The following ANO4 variants were observed in gnomAD, a reference collection of about 807,000 sequenced individuals.
The protein encoded by ANO4 is anoctamin 4.
Under a neutral mutation model 141.9 loss-of-function variants are expected in ANO4, and 69 were observed. The ratio of observed to expected loss-of-function variants is 0.49; its 90% CI spans 0.40 to 0.59. The LOEUF (loss-of-function observed/expected upper bound fraction) is 0.59. Among genes scored for constraint, ANO4 ranks in the 20% least tolerant of loss-of-function variants. The pLI, the probability that ANO4 is intolerant of heterozygous loss-of-function variation, is 0.00. For missense variants in ANO4, 894 were observed against 1,162.2 expected (o/e 0.77, Z 3.36); for synonymous variants, 350 against 394.3 (o/e 0.89, Z 1.33).
intron 2 of ANO4, among the ~76,000 whole-genome samples, chr12:100,735,850 A>G (rs1288453256): frequency 6.6e-6 from 1 of 152,152 alleles, no homozygotes; most frequent in Non-Finnish European, 1.5e-5. Flanking sequence ...GGAAAATTAG[A>G]AATATGGAGA....
chr12:100,770,975 C>G (rs6538971), intron 3 of ANO4, among the ~76,000 whole-genome samples: 72,260 of 151,708 alleles, frequency 0.48, 17,766 homozygotes, highest in African/African-American at 0.57. Flanking sequence ...CATTGAGAAT[C>G]CGAATTTAAC....
At chr12:100,929,840 T>A (rs1421252706) in intron 3 of ANO4, among the ~76,000 whole-genome samples, 1 of 152,116 alleles carries the variant, frequency 6.6e-6, no homozygotes, top group Non-Finnish European at 1.5e-5. Flanking sequence ...CAACTTTATT[T>A]TACAATGAAA....
chr12:101,047,739 G>A (rs1405850018), intron 13 of ANO4, among the ~76,000 whole-genome samples: 1 of 152,104 alleles, frequency 6.6e-6, no homozygotes, highest in Non-Finnish European at 1.5e-5. Flanking sequence ...TATTATTCTA[G>A]CAATAAAGTA....
chr12:100,778,263 C>G (rs928154572), intron 3 of ANO4, among the ~76,000 whole-genome samples: 1 of 152,068 alleles, frequency 6.6e-6, no homozygotes, highest in Non-Finnish European at 1.5e-5. Flanking sequence ...TTTCTCTTTG[C>G]CATAGGAAGA....
chr12:100,785,282 A>T (rs1315947069), intron 3 of ANO4, among the ~76,000 whole-genome samples: 1 of 151,972 alleles, frequency 6.6e-6, no homozygotes, highest in East Asian at 1.9e-4. Flanking sequence ...CTTAGGGCTC[A>T]CTCTTGGTAT....
intron 14 of ANO4, among the ~76,000 whole-genome samples, chr12:101,054,376 T>C (rs1339174453): frequency 6.6e-6 from 1 of 152,220 alleles, no homozygotes; most frequent in Non-Finnish European, 1.5e-5. Context: ...GTGGGAAGAT[T>C]TTTTTCAACT....
intron 2 of ANO4, among the ~76,000 whole-genome samples, chr12:100,738,036 C>T (rs548977846): frequency 6.6e-6 from 1 of 152,296 alleles, no homozygotes; most frequent in Non-Finnish European, 1.5e-5. Flanking sequence ...CGATTAGCTC[C>T]TTATTTTCTA....
At chr12:101,087,112 C>T (rs887535429) in intron 17 of ANO4, among the ~76,000 whole-genome samples, 3 of 152,226 alleles carry the variant, frequency 2.0e-5, no homozygotes, top group Admixed American at 1.3e-4. Context: ...ATTGTGAACC[C>T]CTTAAGTAAA....
chr12:100,800,542 A>G (rs2135659920), intron 1 of ANO4, among the ~76,000 whole-genome samples: 1 of 152,374 alleles, frequency 6.6e-6, no homozygotes, highest in South Asian at 2.1e-4. Flanking sequence ...TCGTGGTGAC[A>G]TATATCTTCC....
chr12:100,927,376 C>G (rs1297688262), intron 3 of ANO4, among the ~76,000 whole-genome samples: 1 of 152,056 alleles, frequency 6.6e-6, no homozygotes, highest in East Asian at 1.9e-4. Context: ...AACCCTCCAT[C>G]CATAGTTTAA....
intron 8 of ANO4, among the ~76,000 whole-genome samples, chr12:100,989,804 T>A (rs1385292565): frequency 6.8e-6 from 1 of 146,506 alleles, no homozygotes; most frequent in Admixed American, 6.8e-5. Flanking sequence ...GATGGATAGA[T>A]GGATGGATAG....
chr12:100,894,370 T>C (rs2040238912), intron 1 of ANO4, among the ~76,000 whole-genome samples: 1 of 152,010 alleles, frequency 6.6e-6, no homozygotes, highest in Admixed American at 6.6e-5. Context: ...GGTCTCTGGG[T>C]TCGGTGGTTG....
chr12:100,725,252 T>A (rs1593230091), intron 1 of ANO4, among the ~76,000 whole-genome samples: 3 of 152,182 alleles, frequency 2.0e-5, no homozygotes, highest in Non-Finnish European at 4.4e-5. Flanking sequence ...GAGTGAGATG[T>A]TTGTTTGCTC....
intron 1 of ANO4, among the ~76,000 whole-genome samples, chr12:100,868,029 C>G (rs1051542637): frequency 1.3e-5 from 2 of 152,164 alleles, no homozygotes; most frequent in African/African-American, 4.8e-5. Flanking sequence ...GGACTCAGGC[C>G]AAGACTCTGT....
chr12:100,788,423 G>A (rs2033938522), intron 3 of ANO4, among the ~76,000 whole-genome samples: 1 of 152,184 alleles, frequency 6.6e-6, no homozygotes, highest in Admixed American at 6.5e-5. Flanking sequence ...GGTCATTCCT[G>A]TTTCTGTAGG....
At chr12:101,043,427 AAG>A (rs1268709591) in intron 12 of ANO4, 110 bp from the exon 13 acceptor site, 2 of 726,146 alleles carry the variant, frequency 2.8e-6, no homozygotes, top group Non-Finnish European at 4.7e-6. Flanking sequence ...AGATGCTTCT[AAG>A]GGCAAACATT....
At chr12:101,096,770 C>G in intron 19 of ANO4, 123 bp downstream of exon 19, 1 of 703,892 alleles carries the variant, frequency 1.4e-6, no homozygotes, top group Non-Finnish European at 2.4e-6. Context: ...AAGGGAAGAG[C>G]ATCCTCCTCC....
intron 3 of ANO4, among the ~76,000 whole-genome samples, chr12:100,784,212 G>A (rs1434130139): frequency 1.3e-5 from 2 of 152,132 alleles, no homozygotes; most frequent in East Asian, 3.9e-4. Context: ...TGGCCATAAT[G>A]TTAGTAGGAA....
At chr12:100,726,696 G>A (rs995596468) in intron 1 of ANO4, among the ~76,000 whole-genome samples, 2 of 152,216 alleles carry the variant, frequency 1.3e-5, no homozygotes, top group Admixed American at 6.5e-5. Flanking sequence ...GAGAACAGTA[G>A]TTGGTGCTTA....
Sources: allele counts gnomAD v4.1 joint callset (sites outside exome capture counted in the v4.1 genomes callset), GRCh38; gene constraint gnomAD v4.1.1; transcripts MANE v1.5; gene names NCBI Gene and HGNC (gene_info 2026-07-23, HGNC 2026-07-21).